Variants in AQP2 observed in about 807,000 individuals in gnomAD.
AQP2 encodes aquaporin 2, also known as aquaporin-2.
AQP2 carries 20 observed loss-of-function variants against 21.6 expected under a neutral mutation model. That is an observed-to-expected ratio of 0.92 (90% CI 0.65 to 1.34). The LOEUF (loss-of-function observed/expected upper bound fraction) is 1.34, where lower values mean the gene tolerates loss of function less well. AQP2 is among the 40% of genes most tolerant of loss of function. The probability of loss-of-function intolerance (pLI) is 0.00; values close to 1 mark genes in which losing one functional copy is unlikely to be tolerated. For synonymous variants in AQP2, 168 were observed against 166.9 expected (o/e 1.01, Z -0.05); for missense variants, 325 against 363.4 (o/e 0.89, Z 0.86).
chr12:49,955,332 G>C (rs948906411), intron 3 of AQP2, 67 bp from the exon 4 acceptor site: 7 of 1,510,094 alleles, frequency 4.6e-6, no homozygotes, highest in Admixed American at 3.7e-5. Flanking sequence ...GTGTGCCGCC[G>C]GGGCCTGCGG....
At position 49,950,864 on chromosome 12, in the gene AQP2, G is replaced by T; in HGVS notation, c.34G>T (p.Ala12Ser). 1.9e-6 allele frequency: 3 copies of T among 1,613,338 alleles called. No homozygotes were observed. Among genetic ancestry groups the T allele is most frequent in the Non-Finnish European group, 2.5e-6 (3 of 1,179,376 alleles). The change falls in exon 1 of 4, where the codon GCT (alanine) becomes TCT (serine). Residue 12 changes from alanine to serine, a missense_variant. Ala to Ser is a moderately conservative substitution (Grantham distance 99). Transcript: ENST00000199280. Reference sequence around the variant, plus strand: ...GCTCCGCTCCATAGCCTTCTCCAGGGCTGTGTTCGCAGAGTTCCTGGCCAC... The same window carrying T: ...GCTCCGCTCCATAGCCTTCTCCAGGTCTGTGTTCGCAGAGTTCCTGGCCAC... ...WELRSIAFSR[A>S]VFAEFLATLL...
chr12:49,951,283 A>C, intron 1 of AQP2, 93 bp downstream of exon 1: 1 of 1,457,992 alleles, frequency 6.9e-7, no homozygotes, highest in East Asian at 2.4e-5. Context: ...TGGGTGATGT[A>C]GGGAGAGAGA....
Position 49,955,469 on chromosome 12 carries a change from C to T in AQP2, c.677C>T (p.Pro226Leu). 6.2e-7 allele frequency: 1 copy of T among 1,612,866 alleles called. No individual in the cohort carries two copies. Among genetic ancestry groups the T allele is most frequent in the Non-Finnish European group, 8.5e-7 (1 of 1,179,848 alleles). ...CTCTACAACTACGTGCTGTTTCCGC[C>T]AGCCAAGAGCCTGTCGGAGCGCCTG... ...SLLYNYVLFP[P>L]AKSLSERLAV... Residue 226 changes from proline to leucine, a missense_variant, in exon 4 of 4, where the codon CCA becomes CTA. Physicochemically the swap from Pro to Leu is moderately conservative, Grantham distance 98 (BLOSUM62 -3). Transcript: ENST00000199280.
intron 1 of AQP2, chr12:49,951,866 A>G: frequency 6.6e-6 from 1 of 152,408 alleles, no homozygotes; most frequent in Non-Finnish European, 1.5e-5. Flanking sequence ...CTGTGAATCC[A>G]AGGCCCATGA....
Position 49,950,933 on chromosome 12 carries a change from C to T in AQP2, c.103C>T (p.Pro35Ser), listed in dbSNP as rs746338782. ...TGGCCTCGGCTCTGCCCTCAACTGG[C>T]CACAGGCCCTGCCCTCTGTGCTACA... is the stretch of plus-strand genomic sequence containing the variant. ...FFGLGSALNW[P>S]QALPSVLQIA... Residue 35 changes from proline to serine, a missense_variant, in exon 1 of 4, where the codon CCA becomes TCA. Coordinates refer to ENST00000199280, the MANE Select transcript of AQP2 (RefSeq NM_000486.6). 1 of 1,614,246 alleles carries T rather than the reference C, an allele frequency of 6.2e-7. No homozygotes were observed. The highest frequency in any genetic ancestry group is 1.7e-5 in the Admixed American group (1 of 60,032).
In AQP2 at chr12:49,958,046, G is replaced by A; in HGVS notation, c.*2438G>A. 6.6e-6 allele frequency: 1 copy of A among 152,208 alleles called. No individual in the cohort carries two copies. The highest frequency in any genetic ancestry group is 1.9e-4 in the East Asian group (1 of 5,198). The allele number at this position is 152,208 out of a possible 1,614,324, so 9.4% of individuals were successfully genotyped here. ...GAACTCCAGGGGTGGAGGGAAATTG[G>A]CAGTTCCTGGCATCTCTTGTGTACC... On this transcript the variant is annotated 3_prime_UTR_variant, in exon 4 of 4. Coordinates refer to ENST00000199280, the MANE Select transcript of AQP2 (RefSeq NM_000486.6).
In AQP2 at chr12:49,955,391, GC is replaced by G. The variant is rs754520891; in HGVS notation, c.607-3del. 208 of 1,610,540 alleles carry G rather than the reference GC, an allele frequency of 1.3e-4. 2 individuals are homozygous for G. The East Asian group carries it at 4.4e-3, about 34-fold the overall frequency. Reference sequence around the variant, plus strand: ...GGGTGCCAAGCCGCCCTCTCCGCTCGCCCCCAGGTCTTCTGGATCGGACCCC... The same window carrying G: ...GGGTGCCAAGCCGCCCTCTCCGCTCGCCCCAGGTCTTCTGGATCGGACCCC... On this transcript the variant is annotated splice_region_variant and splice_polypyrimidine_tract_variant and intron_variant, in intron 3 of 3. Transcript: ENST00000199280.
At chr12:49,955,334 G>C in intron 3 of AQP2, 65 bp from the exon 4 acceptor site, 1 of 1,527,960 alleles carries the variant, frequency 6.5e-7, no homozygotes, top group Non-Finnish European at 8.9e-7. Flanking sequence ...GTGCCGCCGG[G>C]GCCTGCGGGC....
Position 49,951,103 on chromosome 12 carries a change from T to A in AQP2, c.273T>A (p.Ala91=), listed in dbSNP as rs773199091. The change falls in exon 1 of 4, where the codon GCT becomes GCA. Residue 91 remains alanine (A), a synonymous_variant. Coordinates refer to ENST00000199280, the MANE Select transcript of AQP2 (RefSeq NM_000486.6). The part of the protein sequence containing the change: ...VSVLRAAFYV[A]AQLLGAVAGA... ...TTCTCCGAGCCGCCTTCTACGTGGCTGCCCAGCTGCTGGGGGCTGTGGCCG... is the reference window on the plus strand; with the variant it reads ...TTCTCCGAGCCGCCTTCTACGTGGCAGCCCAGCTGCTGGGGGCTGTGGCCG... 1.2e-6 allele frequency: 2 copies of A among 1,608,580 alleles called. No homozygotes were observed. Among genetic ancestry groups the A allele is most frequent in the Non-Finnish European group, 1.7e-6 (2 of 1,175,978 alleles).
rs149553671 is a variant in AQP2, at chr12:49,950,756, G to A, written c.-75G>A. On this transcript the variant is annotated 5_prime_UTR_variant, in exon 1 of 4. Coordinates refer to ENST00000199280, the MANE Select transcript of AQP2 (RefSeq NM_000486.6). ...CCCCAGAGGCCTTGAGAAAGAGAGC[G>A]ATAGAGTGCGAGAGCGAGTGCCCGG... The A allele has an allele frequency of 3.0e-4, 469 of 1,554,866 alleles. 2 individuals carry two copies. The African/African-American group carries it at 4.7e-3, about 16-fold the overall frequency.
chr12:49,950,981 G>T lies in AQP2; in HGVS notation c.151G>T (p.Gly51Cys). 6.2e-7 allele frequency: 1 copy of T among 1,614,216 alleles called. No homozygotes were observed. ...ACAGATTGCCATGGCGTTTGGCTTG[G>T]GTATTGGCACCCTGGTACAGGCTCT... The part of the protein sequence containing the change: ...VLQIAMAFGL[G>C]IGTLVQALGH... The change falls in exon 1 of 4, where the codon GGT becomes TGT. Residue 51 changes from glycine (G) to cysteine (C), a missense_variant. Physicochemically the swap from Gly to Cys is radical, Grantham distance 159. Coordinates refer to ENST00000199280, the MANE Select transcript of AQP2 (RefSeq NM_000486.6).
rs769339416 is a variant in AQP2 at position 49,955,523 on chromosome 12, C to T, written c.731C>T (p.Thr244Ile). The T allele has an allele frequency of 4.3e-6, 7 of 1,611,876 alleles. No individual in the cohort carries two copies. The Admixed American group carries it at 5.0e-5, about 12-fold the overall frequency. ...GTGCTGAAGGGCCTGGAGCCGGACA[C>T]CGATTGGGAGGAGCGCGAGGTGCGA... Reference protein sequence around the residue: ...LAVLKGLEPDTDWEEREVRRR... With the variant: ...LAVLKGLEPDIDWEEREVRRR... The change falls in exon 4 of 4, where the codon ACC becomes ATC. Residue 244 changes from threonine (T) to isoleucine (I), a missense_variant. Transcript: ENST00000199280.
At chr12:49,951,397 G>T in intron 1 of AQP2, 1 of 729,966 alleles carries the variant, frequency 1.4e-6, no homozygotes, top group Non-Finnish European at 2.1e-6. Context: ...GATGCAGACA[G>T]ACTGCTGGCT....
Position 49,954,252 on chromosome 12 carries a change from G to A in AQP2, c.458G>A (p.Arg153His), listed in dbSNP as rs139771821. ...ATCTTCGCCTCCACCGATGAGCGCCGCGGAGAGAACCCGGGCACCCCTGCT... is the reference window on the plus strand; with the variant it reads ...ATCTTCGCCTCCACCGATGAGCGCCACGGAGAGAACCCGGGCACCCCTGCT... Reference protein sequence around the residue: ...LCIFASTDERRGENPGTPALS... With the variant: ...LCIFASTDERHGENPGTPALS... Residue 153 changes from arginine (R) to histidine (H), a missense_variant, in exon 2 of 4, where the codon CGC becomes CAC. Transcript: ENST00000199280. 2.8e-5 allele frequency: 45 copies of A among 1,607,262 alleles called. No homozygotes were observed. The highest frequency in any genetic ancestry group is 3.3e-4 in the Middle Eastern group (2 of 6,042).
At position 49,956,755 on chromosome 12, in the gene AQP2, C is replaced by T. The variant is rs1459502283; in HGVS notation, c.*1147C>T. ...ACCATGGGCACCAGGCAATACCCAT[C>T]CATCACCCATCTCACTCTCCCCAGT... is the stretch of plus-strand genomic sequence containing the variant. On this transcript the variant is annotated 3_prime_UTR_variant, in exon 4 of 4. Coordinates refer to ENST00000199280, the MANE Select transcript of AQP2 (RefSeq NM_000486.6). 2.6e-5 allele frequency: 4 copies of T among 152,320 alleles called. No homozygotes were observed. Among genetic ancestry groups the T allele is most frequent in the African/African-American group, 9.7e-5 (4 of 41,428 alleles). 9.4% of individuals were successfully genotyped at this position (152,320 alleles called of 1,614,324 possible).
At chr12:49,952,758 G>A (rs1947338852) in intron 1 of AQP2, among the ~76,000 whole-genome samples, 1 of 152,216 alleles carries the variant, frequency 6.6e-6, no homozygotes. Context: ...CTGCCTGGAT[G>A]GAATGGGGCA....
chr12:49,955,637 C>T lies in AQP2; in HGVS notation c.*29C>T, dbSNP rs767842696. On this transcript the variant is annotated 3_prime_UTR_variant, in exon 4 of 4. Transcript: ENST00000199280. ...CCGCCAGCGGCCTCTACGGCCCCGA[C>T]GGACGCTTGTGAGGCCCGAGGCAGA... is the stretch of plus-strand genomic sequence containing the variant. 6.5e-6 allele frequency: 10 copies of T among 1,536,302 alleles called. No homozygotes were observed. The highest frequency in any genetic ancestry group is 1.2e-5 in the South Asian group (1 of 84,348).
In AQP2 at chr12:49,950,741, C is replaced by T; in HGVS notation, c.-90C>T. 2 of 1,526,034 alleles carry T rather than the reference C, an allele frequency of 1.3e-6. No individual in the cohort carries two copies. The highest frequency in any genetic ancestry group is 1.9e-5 in the Admixed American group (1 of 52,190). 94.5% of individuals were successfully genotyped at this position (1,526,034 alleles called of 1,614,324 possible). A position where few individuals can be genotyped will look rare whatever the true frequency, so the allele number is the denominator to read the frequency against. On this transcript the variant is annotated 5_prime_UTR_variant, in exon 1 of 4. Transcript: ENST00000199280. ...CCCACAACCCAGCCTCCCCAGAGGC[C>T]TTGAGAAAGAGAGCGATAGAGTGCG...
Position 49,955,396 on chromosome 12 carries a change from C to T in AQP2, c.607-3C>T. On this transcript the variant is annotated splice_region_variant and splice_polypyrimidine_tract_variant and intron_variant, in intron 3 of 3. Coordinates refer to ENST00000199280, the MANE Select transcript of AQP2 (RefSeq NM_000486.6). Reference sequence around the variant, plus strand: ...CCAAGCCGCCCTCTCCGCTCGCCCCCAGGTCTTCTGGATCGGACCCCTGGT... The same window carrying T: ...CCAAGCCGCCCTCTCCGCTCGCCCCTAGGTCTTCTGGATCGGACCCCTGGT... The T allele has an allele frequency of 1.2e-6, 2 of 1,612,058 alleles. No individual in the cohort carries two copies. Among genetic ancestry groups the T allele is most frequent in the South Asian group, 1.1e-5 (1 of 91,024 alleles).
Sources: gnomAD v4.1 joint callset for allele counts (sites outside exome capture counted in the v4.1 genomes callset) on GRCh38, gnomAD v4.1.1 for gene constraint, MANE v1.5 for transcripts, NCBI Gene and HGNC (gene_info 2026-07-23, HGNC 2026-07-21) for gene names.